The following XRN1 variants were observed in gnomAD, a reference collection of about 807,000 sequenced individuals.
XRN1 encodes strand-exchange protein 1 homolog.
A neutral mutation model predicts 222.3 loss-of-function variants in XRN1; 67 were observed. The ratio of observed to expected loss-of-function variants is 0.30; its 90% confidence interval spans 0.25 to 0.37. XRN1 has a LOEUF of 0.37. Among genes scored for constraint, XRN1 ranks in the 10% least tolerant of loss-of-function variants. The pLI is 1.00. For synonymous variants in XRN1, 643 were observed against 652.4 expected, an observed-to-expected ratio of 0.99 and a Z score of 0.22; for missense variants, 1,707 against 2,000.2, an observed-to-expected ratio of 0.85 and a Z score of 2.80.
At chr3:142,381,915 G>A (rs1010674087) in intron 22 of XRN1, among the ~76,000 whole-genome samples, 2 of 151,738 alleles carry the variant, frequency 1.3e-5, no homozygotes, top group African/African-American at 4.8e-5. Flanking sequence ...TCTCCAACCT[G>A]CCTTTTAAAA....
chr3:142,424,079 C>T (rs1159319915), intron 5 of XRN1, among the ~76,000 whole-genome samples: 2 of 151,838 alleles, frequency 1.3e-5, no homozygotes, highest in African/African-American at 4.8e-5. Flanking sequence ...AAGAGCACTT[C>T]CAGTTAATTT....
intron 22 of XRN1, among the ~76,000 whole-genome samples, chr3:142,381,636 T>C (rs7627694): frequency 0.6 from 88,797 of 148,044 alleles, 27,640 homozygotes; most frequent in African/African-American, 0.77. Context: ...GGTATGATCT[T>C]GGTTCACCAC....
In XRN1 at chr3:142,410,487, G is replaced by GTTTTTTTTTTTT. The variant is rs751870329; in HGVS notation, c.1713+2045_1713+2056dup. Among the ~76,000 whole-genome samples the GTTTTTTTTTTTT allele has an allele frequency of 1.0e-4, 7 of 68,074 alleles. 1 individual carries two copies. The highest frequency in any genetic ancestry group is 1.5e-4 in the Non-Finnish European group (6 of 39,112). 44.7% of individuals were successfully genotyped at this position (68,074 alleles called of 152,430 possible). Reference sequence around the variant, plus strand: ...TATACGCTGTCAGATTCTATCTCATGTTTTTTTTTTTTTTTTTTTTTTTTT... The same window carrying GTTTTTTTTTTTT: ...TATACGCTGTCAGATTCTATCTCATGTTTTTTTTTTTTTTTTTTTTTTTTTTTTTTTTTTTTT... On this transcript the variant is annotated intron_variant, in intron 15 of 40. Transcript: ENST00000392981.
intron 5 of XRN1, among the ~76,000 whole-genome samples, chr3:142,424,629 TA>T (rs1278907512): frequency 1.3e-5 from 2 of 152,058 alleles, no homozygotes; most frequent in Non-Finnish European, 2.9e-5. Flanking sequence ...TATTTTTTCT[TA>T]AAAAAACACC....
At chr3:142,404,076 G>A in intron 16 of XRN1, 87 bp from the exon 17 acceptor site, 2 of 1,147,984 alleles carry the variant, frequency 1.7e-6, no homozygotes, top group Non-Finnish European at 2.5e-6. Flanking sequence ...TATTTCGTAA[G>A]AGTCATCCTT....
chr3:142,425,719 A>G (rs2069220695), intron 3 of XRN1, among the ~76,000 whole-genome samples, 181 bp from the exon 4 acceptor site: 1 of 152,126 alleles, frequency 6.6e-6, no homozygotes, highest in Non-Finnish European at 1.5e-5. Context: ...TTCCCTTGCA[A>G]ATATCACAAC....
At chr3:142,403,431 T>A (rs1158700029) in intron 18 of XRN1, among the ~76,000 whole-genome samples, 1 of 152,210 alleles carries the variant, frequency 6.6e-6, no homozygotes, top group Non-Finnish European at 1.5e-5. Flanking sequence ...TATACTTAAC[T>A]TTTGGTTTAC....
At position 142,370,601 on chromosome 3, in the gene XRN1, T is replaced by G. The variant is rs143382514; in HGVS notation, c.3088A>C (p.Ile1030Leu). The G allele has an allele frequency of 1.9e-6, 3 of 1,582,918 alleles. No homozygotes were observed. Among genetic ancestry groups the G allele is most frequent in the Middle Eastern group, 1.7e-4 (1 of 5,976 alleles). Residue 1030 changes from isoleucine (I) to leucine (L), a missense_variant, in exon 27 of 41, where the codon ATT becomes CTT. Physicochemically the swap from Ile to Leu is conservative, Grantham distance 5. This residue lies in a region of XRN1 where 1,234 missense variants were observed against 1,518.2 expected (regional missense o/e 0.81). Coordinates refer to ENST00000392981, the MANE Select transcript of XRN1 (RefSeq NM_001282857.2). ...GGATGTCCTTTTAGCCAAGTAATAA[T>G]TTCTTGAACTTTTTCAGCACTAAAG... ...NENGAEKVQE[I>L]ITWLKGHPVS...
intron 1 of XRN1, among the ~76,000 whole-genome samples, chr3:142,433,185 T>C (rs2069705976): frequency 6.6e-6 from 1 of 152,208 alleles, no homozygotes; most frequent in Non-Finnish European, 1.5e-5. Context: ...GCTTGGTTCA[T>C]TTGGTACTCA....
At chr3:142,318,564 AAAT>A (rs2065265637) in intron 39 of XRN1, 25 bp downstream of exon 39, 1 of 1,549,728 alleles carries the variant, frequency 6.5e-7, no homozygotes, top group Non-Finnish European at 8.8e-7. Flanking sequence ...ACTCAATGAC[AAAT>A]ACTTATAAAT....
rs1289171578 is a variant in XRN1, at chr3:142,332,415, T to C, written c.4182A>G (p.Glu1394=). 6.2e-7 allele frequency: 1 copy of C among 1,612,234 alleles called. No homozygotes were observed. The highest frequency in any genetic ancestry group is 8.5e-7 in the Non-Finnish European group (1 of 1,178,804). ...EIPVSSNRRD[E]YGLPSQPKQN... is the part of the protein sequence containing the mutation. ...GTTTAGGCTGAGAGGGTAATCCATA[T>C]TCATCTCTTCTGTTAGAGGAAACAG... The change falls in exon 36 of 41, where the codon GAA becomes GAG. Residue 1394 remains glutamate (E), a synonymous_variant. Transcript: ENST00000392981.
intron 15 of XRN1, among the ~76,000 whole-genome samples, chr3:142,408,221 T>C (rs538447725): frequency 3.1e-4 from 47 of 152,294 alleles, no homozygotes; most frequent in African/African-American, 1.1e-3. Context: ...CACACCAGAC[T>C]AAAGAATAAG....
chr3:142,354,626 T>C (rs943057646), intron 32 of XRN1, among the ~76,000 whole-genome samples: 3 of 152,156 alleles, frequency 2.0e-5, no homozygotes, highest in Non-Finnish European at 4.4e-5. Flanking sequence ...GGGGCGATCT[T>C]GGCTCACTGC....
intron 1 of XRN1, among the ~76,000 whole-genome samples, chr3:142,433,304 A>G (rs1028604173): frequency 1.3e-5 from 2 of 152,220 alleles, no homozygotes; most frequent in Admixed American, 6.5e-5. Context: ...CTGTTTGTAC[A>G]TGGTTACTGA....
chr3:142,394,287 G>A (rs2067846563), intron 20 of XRN1, among the ~76,000 whole-genome samples: 1 of 152,134 alleles, frequency 6.6e-6, no homozygotes, highest in Admixed American at 6.5e-5. Flanking sequence ...CCAGTGCTGA[G>A]TAAATCCAGC....
At chr3:142,418,748 T>C (rs2068886629) in intron 11 of XRN1, 67 bp downstream of exon 11, 1 of 1,551,382 alleles carries the variant, frequency 6.4e-7, no homozygotes, top group African/African-American at 1.4e-5. Context: ...TTAGTAATAA[T>C]AAATAAAAGG....
chr3:142,351,595 C>G (rs1331856312), intron 32 of XRN1, among the ~76,000 whole-genome samples: 1 of 152,066 alleles, frequency 6.6e-6, no homozygotes, highest in African/African-American at 2.4e-5. Flanking sequence ...TTGCCTTTAT[C>G]TATTTGTTCA....
At chr3:142,351,264 A>T (rs2066296989) in intron 32 of XRN1, among the ~76,000 whole-genome samples, 1 of 152,212 alleles carries the variant, frequency 6.6e-6, no homozygotes, top group Non-Finnish European at 1.5e-5. Context: ...GGTGAAACTG[A>T]CAAAGAAGAC....
At chr3:142,392,160 T>C (rs2067750407) in intron 20 of XRN1, among the ~76,000 whole-genome samples, 1 of 152,094 alleles carries the variant, frequency 6.6e-6, no homozygotes, top group South Asian at 2.1e-4. Flanking sequence ...GGTATTCTCC[T>C]TACAGCCCAC....
Sources: allele counts gnomAD v4.1 joint callset (sites outside exome capture counted in the v4.1 genomes callset), GRCh38; gene constraint gnomAD v4.1.1; regional missense constraint gnomAD v4.1.1; transcripts MANE v1.5; gene names NCBI Gene and HGNC (gene_info 2026-07-23, HGNC 2026-07-21).